The following RPL5 variants were observed in gnomAD, a reference collection of about 807,000 sequenced individuals.
The protein encoded by RPL5 is ribosomal protein L5.
Under a neutral mutation model 38.4 loss-of-function variants are expected in RPL5, and 1 was observed. That is an observed-to-expected ratio of 0.03 (90% CI 0.01 to 0.12). The LOEUF is 0.12. Ranked by LOEUF, RPL5 falls within the 10% of genes least tolerant of loss-of-function variation. RPL5 has a pLI of 1.00. For missense variants in RPL5, 243 were observed against 374.1 expected, an observed-to-expected ratio of 0.65 and a Z score of 2.89; for synonymous variants, 109 against 121.2, an observed-to-expected ratio of 0.90 and a Z score of 0.66.
chr1:92,840,223 C>T (rs955996629), intron 6 of RPL5: 6 of 316,004 alleles, frequency 1.9e-5, no homozygotes, highest in South Asian at 1.7e-4. Flanking sequence ...GTTGCCTTAG[C>T]TGGTCTCAAA....
At position 92,832,093 on chromosome 1, in the gene RPL5, A is replaced by G. The variant is rs763019487; in HGVS notation, c.-22A>G. ...CCTGCAGGTCTCTGTCGAGCAGCGG[A>G]CGCCGGTCTCTGTTCCGCAGGATGG... On this transcript the variant is annotated 5_prime_UTR_variant, in exon 1 of 8. Transcript: ENST00000370321. The G allele has an allele frequency of 6.8e-6, 11 of 1,613,708 alleles. No homozygotes were observed. The highest frequency in any genetic ancestry group is 3.3e-5 in the Admixed American group (2 of 59,970).
At position 92,834,820 on chromosome 1, in the gene RPL5, A is replaced by C. The variant is rs1260303346; in HGVS notation, c.231A>C (p.Ala77=). 6.2e-7 allele frequency: 1 copy of C among 1,612,814 alleles called. No individual in the cohort carries two copies. Among genetic ancestry groups the C allele is most frequent in the Admixed American group, 1.7e-5 (1 of 60,012 alleles). The change falls in exon 4 of 8, where the codon GCA becomes GCC. Residue 77 remains alanine, a synonymous_variant. Coordinates refer to ENST00000370321, the MANE Select transcript of RPL5 (RefSeq NM_000969.5). The part of the protein sequence containing the change: ...ARIEGDMIVC[A]AYAHELPKYG... ...TAGAGGGGGATATGATAGTCTGCGC[A>C]GCGTATGCACACGAACTGCCAAAAT... is the stretch of plus-strand genomic sequence containing the variant.
Position 92,834,917 on chromosome 1 carries a change from T to C in RPL5, c.324+4T>C, listed in dbSNP as rs1411462713. ...TGGCCTGCTGCTGGCCCGCAGGGTA[T>C]GTACAAGATGATTTTAATTGATGTA... On this transcript the variant is annotated splice_donor_region_variant and intron_variant, in intron 4 of 7. Transcript: ENST00000370321. The C allele has an allele frequency of 1.2e-6, 2 of 1,600,378 alleles. No homozygotes were observed. Among genetic ancestry groups the C allele is most frequent in the Non-Finnish European group, 1.7e-6 (2 of 1,179,976 alleles).
chr1:92,840,262 C>A (rs1052104355), intron 6 of RPL5: 1 of 371,420 alleles, frequency 2.7e-6, no homozygotes, highest in African/African-American at 2.1e-5. Context: ...CCTCCCACTT[C>A]AGACTCCCAA....
At chr1:92,832,956 A>G (rs1407885461) in intron 1 of RPL5, 3 of 715,810 alleles carry the variant, frequency 4.2e-6, no homozygotes, top group Non-Finnish European at 7.7e-6. Context: ...CGTGTTCCGA[A>G]CAAACCGACG....
rs1043568283 is a variant in RPL5 at position 92,836,387 on chromosome 1, T to C, written c.522T>C (p.Pro174=). Residue 174 remains proline, a synonymous_variant, in exon 5 of 8, where the codon CCT becomes CCC. Coordinates refer to ENST00000370321, the MANE Select transcript of RPL5 (RefSeq NM_000969.5). ...CTGTGGATGGAGGCTTGTCTATCCC[T>C]CACAGGTAAGAATACTATTTAAGAC... is the stretch of plus-strand genomic sequence containing the variant. The part of the protein sequence containing the change: ...KGAVDGGLSI[P]HSTKRFPGYD... 1.2e-6 allele frequency: 2 copies of C among 1,613,794 alleles called. No individual in the cohort carries two copies. The highest frequency in any genetic ancestry group is 1.7e-6 in the Non-Finnish European group (2 of 1,179,648).
intron 6 of RPL5, among the ~76,000 whole-genome samples, chr1:92,839,668 CATCTTAAT>C (rs1239489022): frequency 2.0e-5 from 3 of 152,176 alleles, no homozygotes; most frequent in African/African-American, 7.2e-5. Context: ...ATACGTTCAT[CATCTTAAT>C]ATCTTAATAC....
Position 92,841,790 on chromosome 1 carries a change from T to G in RPL5, c.819T>G (p.Leu273=). The change falls in exon 8 of 8, where the codon CTT becomes CTG. Residue 273 remains leucine (L), a synonymous_variant. Transcript: ENST00000370321. The part of the protein sequence containing the change: ...KKRWNRPKMS[L]AQKKDRVAQK... Reference sequence around the variant, plus strand: ...GGTGGAACCGTCCCAAAATGTCCCTTGCTCAGAAGAAGGATCGGGTAGCTC... The same window carrying G: ...GGTGGAACCGTCCCAAAATGTCCCTGGCTCAGAAGAAGGATCGGGTAGCTC... The G allele has an allele frequency of 6.2e-7, 1 of 1,611,666 alleles. No homozygotes were observed. The highest frequency in any genetic ancestry group is 1.3e-5 in the African/African-American group (1 of 74,942).
At chr1:92,834,069 C>T (rs1687021774) in intron 3 of RPL5, 1 of 264,640 alleles carries the variant, frequency 3.8e-6, no homozygotes, top group Admixed American at 5.1e-5. Context: ...GCCCTCCAAC[C>T]TAGGTGACAG....
Position 92,837,534 on chromosome 1 carries a change from G to C in RPL5, c.606G>C (p.Gln202His). Reference sequence around the variant, plus strand: ...TACATCGGAAGCACATCATGGGCCAGAATGTTGCAGATTACATGCGCTACT... The same window carrying C: ...TACATCGGAAGCACATCATGGGCCACAATGTTGCAGATTACATGCGCTACT... ...AEVHRKHIMGQNVADYMRYLM... is the reference protein window; with the variant it reads ...AEVHRKHIMGHNVADYMRYLM... The change falls in exon 6 of 8, where the codon CAG (glutamine) becomes CAC (histidine). Residue 202 changes from glutamine to histidine, a missense_variant. Gln to His is a conservative substitution (Grantham distance 24). Transcript: ENST00000370321. 1 of 1,612,208 alleles carries C rather than the reference G, an allele frequency of 6.2e-7. No individual in the cohort carries two copies.
chr1:92,840,404 A>G, intron 6 of RPL5, 147 bp from the exon 7 acceptor site: 1 of 677,020 alleles, frequency 1.5e-6, no homozygotes, highest in Admixed American at 2.4e-5. Flanking sequence ...GGTGAGTTAC[A>G]TTTAGAAGTT....
chr1:92,836,042 TG>T, intron 4 of RPL5, 147 bp from the exon 5 acceptor site: 1 of 706,096 alleles, frequency 1.4e-6, no homozygotes, highest in East Asian at 2.5e-5. Flanking sequence ...TAAAAATTCA[TG>T]AGCAAGTGGA....
chr1:92,838,873 A>C (rs1429193518), intron 6 of RPL5, among the ~76,000 whole-genome samples: 5 of 152,242 alleles, frequency 3.3e-5, no homozygotes, highest in Non-Finnish European at 5.9e-5. Context: ...TGAGGTTTCA[A>C]ATGCAGTGAG....
chr1:92,839,249 C>T (rs1161165090), intron 6 of RPL5, among the ~76,000 whole-genome samples: 2 of 152,114 alleles, frequency 1.3e-5, no homozygotes, highest in African/African-American at 4.8e-5. Context: ...ATCCCAGCGA[C>T]TCGGGAGGCT....
rs372092314 is a variant in RPL5, at chr1:92,832,101, C to T, written c.-14C>T. 165 of 1,614,012 alleles carry T rather than the reference C, an allele frequency of 1.0e-4. No individual in the cohort carries two copies. Among genetic ancestry groups the T allele is most frequent in the Non-Finnish European group, 1.4e-4 (164 of 1,180,020 alleles). ...TCTCTGTCGAGCAGCGGACGCCGGTCTCTGTTCCGCAGGATGGTGAGTGGA... is the reference window on the plus strand; with the variant it reads ...TCTCTGTCGAGCAGCGGACGCCGGTTTCTGTTCCGCAGGATGGTGAGTGGA... On this transcript the variant is annotated 5_prime_UTR_variant, in exon 1 of 8. Transcript: ENST00000370321.
Position 92,840,365 on chromosome 1 carries a change from A to C in RPL5, c.706-186A>C, listed in dbSNP as rs1182977040. The C allele has an allele frequency of 8.7e-6, 5 of 571,548 alleles. No individual in the cohort carries two copies. The East Asian group carries it at 1.2e-4, about 14-fold the overall frequency. 35.4% of individuals were successfully genotyped at this position (571,548 alleles called of 1,614,324 possible). A position where few individuals can be genotyped will look rare whatever the true frequency, so the allele number is the denominator to read the frequency against. ...CTGTAGTGATAATTCACATTGCATA[A>C]GGTGAAAATTGGGAATTTGTTAGGA... is the stretch of plus-strand genomic sequence containing the variant. On this transcript the variant is annotated intron_variant, in intron 6 of 7. Transcript: ENST00000370321.
intron 4 of RPL5, 163 bp downstream of exon 4, chr1:92,835,076 C>G (rs1413078409): frequency 3.9e-6 from 4 of 1,014,170 alleles, no homozygotes; most frequent in Non-Finnish European, 5.9e-6. Context: ...TCAGCTCTTT[C>G]CAATAAAATT....
At chr1:92,840,866 T>C in intron 7 of RPL5, 1 of 640,910 alleles carries the variant, frequency 1.6e-6, no homozygotes, top group Non-Finnish European at 2.9e-6. Flanking sequence ...TACTGGTTAC[T>C]GCATTTTTTT....
At chr1:92,832,502 C>T (rs577797791) in intron 1 of RPL5, among the ~76,000 whole-genome samples, 16 of 152,330 alleles carry the variant, frequency 1.1e-4, no homozygotes, top group African/African-American at 3.6e-4. Context: ...TGCAGGTCCT[C>T]GGGTCCCACT....
Sources: gnomAD v4.1 joint callset for allele counts (sites outside exome capture counted in the v4.1 genomes callset) on GRCh38, gnomAD v4.1.1 for gene constraint, MANE v1.5 for transcripts, NCBI Gene and HGNC (gene_info 2026-07-23, HGNC 2026-07-21) for gene names.